The following PRDM4 variants were observed in gnomAD, a reference collection of about 807,000 sequenced individuals.
PRDM4 encodes PR/SET domain 4.
A neutral mutation model predicts 62.3 loss-of-function variants in PRDM4; 38 were observed. The observed-to-expected ratio is 0.61, with a 90% confidence interval of 0.47 to 0.80. The LOEUF is 0.80. Ranked by LOEUF, PRDM4 falls within the 30% of genes least tolerant of loss-of-function variation. The probability of loss-of-function intolerance (pLI) is 0.00; values close to 1 mark genes in which losing one functional copy is unlikely to be tolerated. For synonymous variants in PRDM4, 339 were observed against 348.2 expected (o/e 0.97, Z 0.30); for missense variants, 858 against 997.1 (o/e 0.86, Z 1.88).
At chr12:107,758,834 AACAG>A (rs373509100) in intron 2 of PRDM4, among the ~76,000 whole-genome samples, 51 of 152,358 alleles carry the variant, frequency 3.3e-4, no homozygotes, top group African/African-American at 1.1e-3. Flanking sequence ...CCTTGTATAG[AACAG>A]ACATTCTGAA....
chr12:107,743,400 G>A (rs772839376), intron 7 of PRDM4, 118 bp from the exon 8 acceptor site: 3 of 669,414 alleles, frequency 4.5e-6, no homozygotes, highest in Non-Finnish European at 7.9e-6. Flanking sequence ...AGCTTTCTTA[G>A]TGGGAAAATA....
intron 1 of PRDM4, 30 bp from the exon 2 acceptor site, chr12:107,760,801 A>G (rs1243244185): frequency 4.9e-6 from 2 of 410,644 alleles, no homozygotes; most frequent in Non-Finnish European, 8.8e-6. Flanking sequence ...AGCGGTCACC[A>G]AAACCACAAC....
chr12:107,736,292 G>A (rs1308245440), intron 11 of PRDM4, among the ~76,000 whole-genome samples: 2 of 152,156 alleles, frequency 1.3e-5, no homozygotes, highest in African/African-American at 2.4e-5. Flanking sequence ...GAAAACACAC[G>A]AAGCCAGGTA....
At position 107,746,348 on chromosome 12, in the gene PRDM4, T is replaced by C. The variant is rs374614708; in HGVS notation, c.1203A>G (p.Pro401=). 7.4e-6 allele frequency: 12 copies of C among 1,613,894 alleles called. No homozygotes were observed. Among genetic ancestry groups the C allele is most frequent in the African/African-American group, 1.3e-5 (1 of 74,920 alleles). ...GAGAAAGCCTTGCTCTGCTCTCTAT[T>C]GGAGTGTCAGGAACAAAAGTCACTG... ...HGPVTFVPDT[P]IESRARLSLP... The change falls in exon 6 of 12, where the codon CCA becomes CCG. Residue 401 remains proline (P), a synonymous_variant. Transcript: ENST00000228437.
chr12:107,751,618 T>C lies in PRDM4; in HGVS notation c.923A>G (p.Asn308Ser). 2 of 1,613,792 alleles carry C rather than the reference T, an allele frequency of 1.2e-6. No homozygotes were observed. Among genetic ancestry groups the C allele is most frequent in the Non-Finnish European group, 1.7e-6 (2 of 1,179,820 alleles). ...GGAAACAGATTCTAGGGAGGCAAGG[T>C]TGTGTGAGGTAGAGAGTGCCACGCT... The part of the protein sequence containing the change: ...SVSVALSTSH[N>S]LASLESVSLH... Residue 308 changes from asparagine (N) to serine (S), a missense_variant, in exon 5 of 12, where the codon AAC becomes AGC. This residue lies in a region of PRDM4 where 499 missense variants were observed against 546.7 expected (regional missense o/e 0.91). Coordinates refer to ENST00000228437, the MANE Select transcript of PRDM4 (RefSeq NM_012406.4).
chr12:107,748,910 C>G (rs1463139713), intron 5 of PRDM4, among the ~76,000 whole-genome samples: 1 of 152,130 alleles, frequency 6.6e-6, no homozygotes, highest in Non-Finnish European at 1.5e-5. Context: ...TTTAGGCCAC[C>G]TCCTACCTTC....
At chr12:107,748,170 ACT>A (rs2136322721) in intron 5 of PRDM4, among the ~76,000 whole-genome samples, 1 of 152,104 alleles carries the variant, frequency 6.6e-6, no homozygotes, top group East Asian at 1.9e-4. Flanking sequence ...ACAGAGCCAG[ACT>A]CTGTCTCAAA....
At chr12:107,734,567 A>G (rs1890268577) in intron 11 of PRDM4, 45 bp from the exon 12 acceptor site, 1 of 1,544,620 alleles carries the variant, frequency 6.5e-7, no homozygotes, top group Admixed American at 1.8e-5. Flanking sequence ...GGTTACAAAT[A>G]ACAACTGAGG....
intron 3 of PRDM4, among the ~76,000 whole-genome samples, chr12:107,756,543 C>A (rs914347852): frequency 5.9e-5 from 9 of 152,168 alleles, no homozygotes; most frequent in African/African-American, 2.2e-4. Context: ...GATGAATGGG[C>A]AGCCCTAAAT....
intron 5 of PRDM4, among the ~76,000 whole-genome samples, chr12:107,749,177 A>G (rs552522084): frequency 6.6e-6 from 1 of 152,090 alleles, no homozygotes; most frequent in Admixed American, 6.6e-5. Context: ...TACAGCCACA[A>G]ATAACATCTT....
At position 107,744,523 on chromosome 12, in the gene PRDM4, A is replaced by G. The variant is rs1290742122; in HGVS notation, c.1395+20T>C. 1 of 1,598,810 alleles carries G rather than the reference A, an allele frequency of 6.3e-7. No individual in the cohort carries two copies. The highest frequency in any genetic ancestry group is 8.6e-7 in the Non-Finnish European group (1 of 1,168,668). On this transcript the variant is annotated intron_variant, in intron 7 of 11. Coordinates refer to ENST00000228437, the MANE Select transcript of PRDM4 (RefSeq NM_012406.4). ...AAGAAAAACAGCCAAAAGCCACAGA[A>G]AAGTTTCATCAGGACTGACCTTCCA...
chr12:107,745,539 C>G (rs1443408474), intron 6 of PRDM4, among the ~76,000 whole-genome samples: 2 of 152,082 alleles, frequency 1.3e-5, no homozygotes. Context: ...TATGTTAGGC[C>G]AGTGCACTCC....
rs1459250684 is a variant in PRDM4 at position 107,734,478 on chromosome 12, C to T, written c.2138G>A (p.Arg713Lys). 1 of 1,614,158 alleles carries T rather than the reference C, an allele frequency of 6.2e-7. No homozygotes were observed. The highest frequency in any genetic ancestry group is 1.1e-5 in the South Asian group (1 of 91,082). The change falls in exon 12 of 12, where the codon AGA (arginine) becomes AAA (lysine). Residue 713 changes from arginine (R) to lysine (K), a missense_variant. Physicochemically the swap from Arg to Lys is conservative, Grantham distance 26. Coordinates refer to ENST00000228437, the MANE Select transcript of PRDM4 (RefSeq NM_012406.4). ...KCPKCDKLFLRTNHLKKHLNS... is the reference protein window; with the variant it reads ...KCPKCDKLFLKTNHLKKHLNS... ...GAGATGCTTCTTTAAGTGATTTGTT[C>T]TCAAGAACAGCTTATCACACTTGGG...
chr12:107,738,849 A>AT (rs34195920), intron 11 of PRDM4, among the ~76,000 whole-genome samples: 8,164 of 148,292 alleles, frequency 0.055, 238 homozygotes, highest in East Asian at 0.091. Context: ...TAAGATAACA[A>AT]TTTTTTTTTT....
rs770570837 is a variant in PRDM4, at chr12:107,751,535, C to T, written c.1006G>A (p.Val336Ile). ...TCTACATGACCTGTCCCCATAGCAACCTCCTGGGTGATGGAGGAGACAGCC... is the reference window on the plus strand; with the variant it reads ...TCTACATGACCTGTCCCCATAGCAATCTCCTGGGTGATGGAGGAGACAGCC... ...PVAVSSITQE[V>I]AMGTGHVDVS... The change falls in exon 5 of 12, where the codon GTT becomes ATT. Residue 336 changes from valine (V) to isoleucine (I), a missense_variant. By Grantham distance (29) the Val-to-Ile change is conservative. Transcript: ENST00000228437. 2.1e-5 allele frequency: 34 copies of T among 1,612,464 alleles called. 1 individual carries two copies. In the Middle Eastern group the frequency reaches 4.9e-4, roughly 23 times the overall value.
rs572441825 is a variant in PRDM4, at chr12:107,746,548, G to A, written c.1127-124C>T. 8.4e-5 allele frequency: 75 copies of A among 892,966 alleles called. 1 individual carries two copies. In the African/African-American group the frequency reaches 1.1e-3, roughly 13 times the overall value. The allele number at this position is 892,966 out of a possible 1,614,324, so 55.3% of individuals were successfully genotyped here. The stretch of plus-strand genomic sequence containing the variant: ...CACCCAGGCTGGAGTGCAATGGCGC[G>A]ATTTTGGCTCACTGCAACCTCTGCC... On this transcript the variant is annotated intron_variant, in intron 5 of 11. Coordinates refer to ENST00000228437, the MANE Select transcript of PRDM4 (RefSeq NM_012406.4).
chr12:107,746,246 A>G, intron 6 of PRDM4, 29 bp downstream of exon 6: 1 of 1,609,930 alleles, frequency 6.2e-7, no homozygotes, highest in Non-Finnish European at 8.5e-7. Context: ...AAGAGATGTA[A>G]TAGTGTTTTA....
At chr12:107,747,920 T>G (rs1416535286) in intron 5 of PRDM4, among the ~76,000 whole-genome samples, 2 of 152,300 alleles carry the variant, frequency 1.3e-5, no homozygotes, top group South Asian at 2.1e-4. Flanking sequence ...CTGGCTGATT[T>G]TTTAATACTT....
intron 11 of PRDM4, 114 bp from the exon 12 acceptor site, chr12:107,734,636 A>G: frequency 1.0e-6 from 1 of 985,128 alleles, no homozygotes; most frequent in South Asian, 1.6e-5. Flanking sequence ...CTTCTGAATC[A>G]GGCTTTTGCA....
Sources: gnomAD v4.1 joint callset for allele counts (sites outside exome capture counted in the v4.1 genomes callset) on GRCh38, gnomAD v4.1.1 for gene constraint, gnomAD v4.1.1 regional missense constraint, MANE v1.5 for transcripts, NCBI Gene and HGNC (gene_info 2026-07-23, HGNC 2026-07-21) for gene names.